KAZN: variants seen among roughly 807,000 people sequenced by gnomAD.
KAZN encodes kazrin.
A neutral mutation model predicts 87.4 loss-of-function variants in KAZN; 40 were observed. The observed-to-expected ratio is 0.46, with a 90% CI of 0.36 to 0.60. KAZN has a LOEUF of 0.60. Ranked by LOEUF, KAZN falls within the 20% of genes least tolerant of loss-of-function variation. The pLI, the probability that KAZN is intolerant of heterozygous loss-of-function variation, is 0.00. For synonymous variants in KAZN, 466 were observed against 458.3 expected (o/e 1.02, Z -0.22); for missense variants, 898 against 1,073.9 (o/e 0.84, Z 2.29).
intron 1 of KAZN, among the ~76,000 whole-genome samples, chr1:14,896,641 C>T (rs1047701009): frequency 6.6e-6 from 1 of 152,114 alleles, no homozygotes; most frequent in Non-Finnish European, 1.5e-5. Context: ...TCCAGGGCAG[C>T]CTCAAAACTC....
At chr1:15,086,546 A>G (rs1640266334) in intron 8 of KAZN, among the ~76,000 whole-genome samples, 1 of 152,232 alleles carries the variant, frequency 6.6e-6, no homozygotes. Flanking sequence ...AGGAATAAGA[A>G]AAGTTATTCC....
At chr1:14,546,334 T>C (rs888754871) in intron 2 of KAZN, among the ~76,000 whole-genome samples, 2 of 152,176 alleles carry the variant, frequency 1.3e-5, no homozygotes, top group African/African-American at 2.4e-5. Flanking sequence ...TGGAAACAAA[T>C]TTCTCTCTTT....
At chr1:13,985,326 A>G (rs1638958524) in intron 1 of KAZN, among the ~76,000 whole-genome samples, 1 of 151,880 alleles carries the variant, frequency 6.6e-6, no homozygotes, top group African/African-American at 2.4e-5. Context: ...ACAATGATAG[A>G]CTGGATTAAG....
chr1:14,475,366 C>T (rs1668662301), intron 2 of KAZN, among the ~76,000 whole-genome samples: 1 of 152,240 alleles, frequency 6.6e-6, no homozygotes, highest in Admixed American at 6.5e-5. Flanking sequence ...TATATACGTT[C>T]GGAAAATAAT....
At chr1:14,420,908 TCCCC>T (rs1665373823) in intron 2 of KAZN, among the ~76,000 whole-genome samples, 1 of 145,470 alleles carries the variant, frequency 6.9e-6, no homozygotes, top group African/African-American at 2.5e-5. Flanking sequence ...CCTCCACACC[TCCCC>T]TCCACACCTC....
Position 15,066,460 on chromosome 1 carries a change from G to T in KAZN, c.1222+707G>T. ...TGCTCTCTACAAAGACTCGCGAGCC[G>T]GGCCAAGGGGCCTTGTCTTGGCTGG... On this transcript the variant is annotated intron_variant, in intron 8 of 14. Coordinates refer to ENST00000376030, the MANE Select transcript of KAZN (RefSeq NM_201628.3). This position sits in a 1 kb window ranked among gnomAD's most constrained non-coding sequence, Gnocchi z 4.3. 1 of 985,358 alleles carries T rather than the reference G, an allele frequency of 1.0e-6. No homozygotes were observed. The highest frequency in any genetic ancestry group is 1.2e-6 in the Non-Finnish European group (1 of 829,936). 61.0% of individuals were successfully genotyped at this position (985,358 alleles called of 1,614,324 possible).
chr1:14,683,401 C>T (rs1220939454), intron 1 of KAZN, among the ~76,000 whole-genome samples: 1 of 152,182 alleles, frequency 6.6e-6, no homozygotes, highest in East Asian at 1.9e-4. Context: ...CACCCATTCT[C>T]CTCCGGGGGC....
Position 14,655,567 on chromosome 1 carries a change from T to C in KAZN, c.226+56344T>C, listed in dbSNP as rs78955004. Among the ~76,000 whole-genome samples the C allele has an allele frequency of 5.8e-3, 883 of 152,298 alleles. 5 individuals carry two copies. The highest frequency in any genetic ancestry group is 0.02 in the African/African-American group (851 of 41,544). ...ATCACCAGCCGTCAGAATTGCCTTC[T>C]CCAGCAAGTGCTTGGATAATGCTTC... On this transcript the variant is annotated intron_variant, in intron 1 of 14. Coordinates refer to ENST00000376030, the MANE Select transcript of KAZN (RefSeq NM_201628.3).
At chr1:13,971,321 A>G (rs948138702) in intron 1 of KAZN, among the ~76,000 whole-genome samples, 4 of 152,230 alleles carry the variant, frequency 2.6e-5, no homozygotes, top group Non-Finnish European at 4.4e-5. Flanking sequence ...TTTACGCCAT[A>G]GCAAGTCACA....
At chr1:13,968,593 G>T (rs1186690328) in intron 1 of KAZN, among the ~76,000 whole-genome samples, 2 of 152,160 alleles carry the variant, frequency 1.3e-5, no homozygotes, top group Non-Finnish European at 2.9e-5. Context: ...GTTGGATTTT[G>T]TCCCTACTGT....
intron 1 of KAZN, among the ~76,000 whole-genome samples, chr1:14,008,373 A>G: frequency 6.6e-6 from 1 of 152,230 alleles, no homozygotes; most frequent in East Asian, 1.9e-4. Context: ...CTAGGGTGGC[A>G]AATCAAACCT....
chr1:13,904,898 T>C (rs984946344), intron 1 of KAZN, among the ~76,000 whole-genome samples: 1 of 152,220 alleles, frequency 6.6e-6, no homozygotes, highest in African/African-American at 2.4e-5. Context: ...GTGACTTGTG[T>C]TAGACTTCTC....
intron 1 of KAZN, among the ~76,000 whole-genome samples, chr1:14,698,894 A>G (rs1394249045): frequency 1.3e-5 from 2 of 152,262 alleles, no homozygotes; most frequent in African/African-American, 4.8e-5. Flanking sequence ...TTCTCCTTGG[A>G]AAAAGAGAAA....
chr1:15,054,420 C>T (rs768078635), intron 4 of KAZN, among the ~76,000 whole-genome samples: 11 of 151,992 alleles, frequency 7.2e-5, no homozygotes, highest in East Asian at 3.9e-4. Flanking sequence ...GAGGCCAAGG[C>T]GGGTGGATCA....
intron 1 of KAZN, among the ~76,000 whole-genome samples, chr1:14,160,146 G>A (rs141530487): frequency 6.6e-6 from 1 of 152,328 alleles, no homozygotes; most frequent in African/African-American, 2.4e-5. Context: ...TTGGCTAGGA[G>A]TTGCAGTCCT....
intron 1 of KAZN, among the ~76,000 whole-genome samples, chr1:14,888,947 C>T (rs1031498800): frequency 1.3e-5 from 2 of 152,202 alleles, no homozygotes; most frequent in Non-Finnish European, 2.9e-5. Context: ...CCCTAGGCCA[C>T]ATTGGAAGAA....
intron 2 of KAZN, among the ~76,000 whole-genome samples, chr1:14,373,788 G>C (rs540645235): frequency 1.3e-5 from 2 of 152,312 alleles, no homozygotes; most frequent in East Asian, 3.9e-4. Flanking sequence ...AAGATGAAAA[G>C]ATGGCTTCAG....
chr1:15,019,000 C>G (rs115909819), intron 2 of KAZN, among the ~76,000 whole-genome samples: 1 of 152,294 alleles, frequency 6.6e-6, no homozygotes, highest in East Asian at 1.9e-4. Flanking sequence ...AGGCACATGG[C>G]GGGCGGGAGG....
chr1:13,971,873 C>G (rs935657085), intron 1 of KAZN, among the ~76,000 whole-genome samples: 1 of 152,196 alleles, frequency 6.6e-6, no homozygotes, highest in Admixed American at 6.5e-5. Context: ...CTTGCTCCTG[C>G]TTCCTCCATG....
Sources: allele counts gnomAD v4.1 joint callset (sites outside exome capture counted in the v4.1 genomes callset), GRCh38; gene constraint gnomAD v4.1.1; non-coding constraint Gnocchi (gnomAD v3.1); transcripts MANE v1.5; gene names NCBI Gene and HGNC (gene_info 2026-07-23, HGNC 2026-07-21).